The following RBFOX1 variants were observed in gnomAD, a reference collection of about 807,000 sequenced individuals.
RBFOX1 encodes RNA binding fox-1 homolog 1, also known as RNA binding protein fox-1 homolog 1.
Under a neutral mutation model 57.7 loss-of-function variants are expected in RBFOX1, and 8 were observed. The ratio of observed to expected loss-of-function variants is 0.14; its 90% CI spans 0.08 to 0.25. The LOEUF (loss-of-function observed/expected upper bound fraction) is 0.25, where lower values mean the gene tolerates loss of function less well. Among genes scored for constraint, RBFOX1 ranks in the 10% least tolerant of loss-of-function variants. The pLI is 1.00. For synonymous variants in RBFOX1, 326 were observed against 222.4 expected (o/e 1.47, Z -4.15); for missense variants, 611 against 548.5 (o/e 1.11, Z -1.14).
chr16:7,693,262 G>A, intron 14 of RBFOX1: 1 of 1,515,378 alleles, frequency 6.6e-7, no homozygotes, highest in Non-Finnish European at 9.2e-7. Flanking sequence ...AATTGGCAGA[G>A]AGCACATTTC....
In RBFOX1 at chr16:5,406,576, T is replaced by C. The variant is rs547071566; in HGVS notation, c.220-60640T>C. Among the ~76,000 whole-genome samples the C allele has an allele frequency of 1.2e-3, 189 of 151,764 alleles. 1 individual carries two copies. Among genetic ancestry groups the C allele is most frequent in the Non-Finnish European group, 2.1e-3 (145 of 67,910 alleles). ...TCTCTCTGTGTTTCTCTCTCTTTAT[T>C]TCTCTCTCTCTCTCTATATATATGT... is the stretch of plus-strand genomic sequence containing the variant. On this transcript the variant is annotated intron_variant, in intron 1 of 2. Coordinates refer to the RBFOX1 transcript ENST00000585867.
intron 4 of RBFOX1, among the ~76,000 whole-genome samples, chr16:5,899,233 G>C (rs1055733593): frequency 1.1e-4 from 17 of 151,140 alleles, no homozygotes; most frequent in Non-Finnish European, 2.5e-4. Context: ...ATACTGATGA[G>C]AAATACAAAC....
chr16:5,397,339 G>A (rs965828475), intron 1 of RBFOX1, among the ~76,000 whole-genome samples: 10 of 152,160 alleles, frequency 6.6e-5, no homozygotes, highest in African/African-American at 1.7e-4. Flanking sequence ...GCTCTGGATG[G>A]TCTTGGGCTC....
At chr16:7,282,325 C>G (rs2095561694) in intron 4 of RBFOX1, among the ~76,000 whole-genome samples, 1 of 152,134 alleles carries the variant, frequency 6.6e-6, no homozygotes, top group Non-Finnish European at 1.5e-5. Flanking sequence ...CTTGTTCACC[C>G]CCAACTCATT....
At chr16:6,867,837 TC>T (rs1266807284) in intron 3 of RBFOX1, among the ~76,000 whole-genome samples, 1 of 152,160 alleles carries the variant, frequency 6.6e-6, no homozygotes, top group Non-Finnish European at 1.5e-5. Context: ...ATTATTGACA[TC>T]CCCCTTTCTG....
intron 2 of RBFOX1, among the ~76,000 whole-genome samples, chr16:6,348,264 G>A (rs1204716287): frequency 1.3e-5 from 2 of 152,114 alleles, no homozygotes; most frequent in South Asian, 2.1e-4. Context: ...GTAAACTCAG[G>A]CAAATCATTT....
rs560178033 is a variant in RBFOX1, at chr16:6,101,813, T to G, written c.-127+81821T>G. Among the ~76,000 whole-genome samples, 15 of 152,258 alleles carry G rather than the reference T, an allele frequency of 9.9e-5. 1 individual carries two copies. In the South Asian group the frequency reaches 3.1e-3, roughly 32 times the overall value. The stretch of plus-strand genomic sequence containing the variant: ...AACACTCCTACCCCTGCCCAAATCC[T>G]GCACATATCCACAGCTGCCCTTGCC... On this transcript the variant is annotated intron_variant, in intron 1 of 15. Transcript: ENST00000550418.
At chr16:6,727,853 T>C (rs1467653290) in intron 3 of RBFOX1, among the ~76,000 whole-genome samples, 1 of 152,212 alleles carries the variant, frequency 6.6e-6, no homozygotes, top group East Asian at 1.9e-4. Context: ...CTCGGGCATG[T>C]TAGTGGCATT....
rs1183957171 is a variant in RBFOX1 at position 5,844,462 on chromosome 16, T to C, written c.319-22841T>C. On this transcript the variant is annotated intron_variant, in intron 3 of 19. Transcript: ENST00000641259. Reference sequence around the variant, plus strand: ...AATGTGTTTGGCCACGTGAGAGCAATAGCATCTGTCTTCATCCCTGACATC... The same window carrying C: ...AATGTGTTTGGCCACGTGAGAGCAACAGCATCTGTCTTCATCCCTGACATC... Among the ~76,000 whole-genome samples, 15 of 152,204 alleles carry C rather than the reference T, an allele frequency of 9.9e-5. 1 individual carries two copies. The highest frequency in any genetic ancestry group is 7.9e-4 in the Admixed American group (12 of 15,276).
intron 3 of RBFOX1, among the ~76,000 whole-genome samples, chr16:6,778,713 A>G (rs1267189321): frequency 1.3e-5 from 2 of 152,046 alleles, no homozygotes; most frequent in African/African-American, 2.4e-5. Flanking sequence ...AAATTAAAGA[A>G]ACTAGATTGT....
intron 3 of RBFOX1, among the ~76,000 whole-genome samples, chr16:5,788,902 A>T (rs1296067854): frequency 6.6e-6 from 1 of 152,136 alleles, no homozygotes; most frequent in Non-Finnish European, 1.5e-5. Flanking sequence ...GTTGCACCCC[A>T]TATGTAAGGC....
chr16:6,335,791 G>A (rs113570174), intron 2 of RBFOX1, among the ~76,000 whole-genome samples: 1,978 of 117,602 alleles, frequency 0.017, 42 homozygotes, highest in African/African-American at 0.056. Context: ...AAAAAAAAAA[G>A]AAAAAAAAAA....
chr16:5,590,490 T>C (rs951708708), intron 2 of RBFOX1, among the ~76,000 whole-genome samples: 8 of 152,140 alleles, frequency 5.3e-5, no homozygotes, highest in African/African-American at 1.9e-4. Context: ...TGATTCAGAA[T>C]GGGCAGGGGA....
intron 3 of RBFOX1, among the ~76,000 whole-genome samples, chr16:6,897,551 T>C (rs1358498559): frequency 2.6e-5 from 4 of 152,208 alleles, no homozygotes; most frequent in Non-Finnish European, 4.4e-5. Flanking sequence ...CCCAACACTT[T>C]GGGAGTCCAA....
chr16:6,799,792 G>C (rs188552115), intron 3 of RBFOX1, among the ~76,000 whole-genome samples: 5 of 152,154 alleles, frequency 3.3e-5, no homozygotes, highest in African/African-American at 1.2e-4. Flanking sequence ...CTTAACACCA[G>C]TGGTTTGCTA....
intron 2 of RBFOX1, among the ~76,000 whole-genome samples, chr16:6,378,580 C>G (rs1008682420): frequency 2.0e-5 from 3 of 152,138 alleles, no homozygotes; most frequent in African/African-American, 4.8e-5. Context: ...ACCCCCATTT[C>G]TAAATAAGAT....
At chr16:7,445,445 A>G (rs2098800588) in intron 4 of RBFOX1, among the ~76,000 whole-genome samples, 4 of 152,162 alleles carry the variant, frequency 2.6e-5, no homozygotes. Flanking sequence ...GATCTGCATA[A>G]CTAGGACAAG....
intron 1 of RBFOX1, among the ~76,000 whole-genome samples, chr16:6,129,934 C>A (rs1269610805): frequency 6.6e-6 from 1 of 151,982 alleles, no homozygotes; most frequent in African/African-American, 2.4e-5. Flanking sequence ...AATTGTATGA[C>A]TGGCAAAAAT....
chr16:7,287,734 G>A (rs1221157652), intron 4 of RBFOX1, among the ~76,000 whole-genome samples: 2 of 152,080 alleles, frequency 1.3e-5, no homozygotes, highest in Non-Finnish European at 2.9e-5. Flanking sequence ...TATCTATGTA[G>A]ATCTATATGT....
Sources: gnomAD v4.1 joint callset for allele counts (sites outside exome capture counted in the v4.1 genomes callset) on GRCh38, gnomAD v4.1.1 for gene constraint, MANE v1.5 for transcripts, NCBI Gene and HGNC (gene_info 2026-07-23, HGNC 2026-07-21) for gene names.